SMYD3: variants seen among roughly 807,000 people sequenced by gnomAD.
The protein encoded by SMYD3 is SET and MYND domain containing 3.
Under a neutral mutation model 57.7 loss-of-function variants are expected in SMYD3, and 36 were observed. That is an observed-to-expected ratio of 0.62 (90% CI 0.48 to 0.82). SMYD3 has a LOEUF of 0.82. Ranked by LOEUF, SMYD3 falls within the 40% of genes least tolerant of loss-of-function variation. The pLI, the probability that SMYD3 is intolerant of heterozygous loss-of-function variation, is 0.00. For missense variants in SMYD3, 515 were observed against 538.8 expected (o/e 0.96, Z 0.44); for synonymous variants, 211 against 195.0 (o/e 1.08, Z -0.68).
chr1:245,957,959 T>C (rs1053444602), intron 5 of SMYD3, among the ~76,000 whole-genome samples: 80 of 152,200 alleles, frequency 5.3e-4, no homozygotes, highest in African/African-American at 1.9e-3. Flanking sequence ...GTTAATCTAA[T>C]GTTAGAACTC....
chr1:246,360,612 T>A (rs1480513072), intron 1 of SMYD3, among the ~76,000 whole-genome samples: 1 of 151,722 alleles, frequency 6.6e-6, no homozygotes, highest in East Asian at 1.9e-4. Context: ...ATAGGCACAA[T>A]GAAACAGAAT....
intron 8 of SMYD3, among the ~76,000 whole-genome samples, chr1:245,910,094 A>G (rs561825840): frequency 6.6e-6 from 1 of 152,176 alleles, no homozygotes; most frequent in Non-Finnish European, 1.5e-5. Flanking sequence ...TTAAACTGAT[A>G]AATTCAGTTA....
At chr1:245,876,296 T>C (rs1558447983) in intron 8 of SMYD3, among the ~76,000 whole-genome samples, 2 of 152,202 alleles carry the variant, frequency 1.3e-5, no homozygotes, top group Non-Finnish European at 2.9e-5. Context: ...CCTCAGGAGC[T>C]GTTAAGAATA....
intron 1 of SMYD3, among the ~76,000 whole-genome samples, chr1:246,495,084 T>C (rs1289479007): frequency 1.3e-5 from 2 of 152,274 alleles, no homozygotes; most frequent in African/African-American, 4.8e-5. Context: ...GCGCGGTGGC[T>C]CACGCCTGTA....
chr1:246,344,491 G>A (rs1369435614), intron 2 of SMYD3, among the ~76,000 whole-genome samples: 1 of 152,140 alleles, frequency 6.6e-6, no homozygotes, highest in Non-Finnish European at 1.5e-5. Flanking sequence ...TCATTTACCT[G>A]TGGATGAATA....
intron 5 of SMYD3, among the ~76,000 whole-genome samples, chr1:246,125,312 G>A (rs933918112): frequency 2.3e-4 from 35 of 152,118 alleles, no homozygotes; most frequent in Non-Finnish European, 4.6e-4. Context: ...CTTTCATCAT[G>A]TTAATTTTAT....
chr1:245,979,371 C>G (rs1240058718), intron 5 of SMYD3, among the ~76,000 whole-genome samples: 1 of 152,094 alleles, frequency 6.6e-6, no homozygotes, highest in Non-Finnish European at 1.5e-5. Context: ...AAAATGTGAC[C>G]TTATTTGGAA....
chr1:246,198,332 G>A (rs138929338), intron 5 of SMYD3, among the ~76,000 whole-genome samples: 1 of 152,186 alleles, frequency 6.6e-6, no homozygotes, highest in African/African-American at 2.4e-5. Flanking sequence ...TGGGCAAAGT[G>A]CAGGACTGAT....
intron 5 of SMYD3, among the ~76,000 whole-genome samples, chr1:246,237,874 A>G (rs973413472): frequency 2.0e-4 from 31 of 151,846 alleles, no homozygotes; most frequent in South Asian, 2.1e-4. Context: ...AGAAAAAAAT[A>G]TAATTTAACA....
chr1:246,162,531 A>G (rs1425461531), intron 5 of SMYD3, among the ~76,000 whole-genome samples: 1 of 152,150 alleles, frequency 6.6e-6, no homozygotes. Flanking sequence ...AGAATCTGGA[A>G]TTTTTGTTTG....
chr1:245,805,854 G>A (rs2048121492), intron 10 of SMYD3, among the ~76,000 whole-genome samples: 1 of 152,186 alleles, frequency 6.6e-6, no homozygotes, highest in African/African-American at 2.4e-5. Context: ...CCAGGCTTGG[G>A]CACATTATTT....
intron 5 of SMYD3, among the ~76,000 whole-genome samples, chr1:246,194,831 T>C (rs1012611215): frequency 6.6e-6 from 1 of 152,188 alleles, no homozygotes. Flanking sequence ...GGCACAACAA[T>C]GATCTAAGTC....
At chr1:246,424,040 G>C (rs1369619029) in intron 1 of SMYD3, among the ~76,000 whole-genome samples, 1 of 152,170 alleles carries the variant, frequency 6.6e-6, no homozygotes. Flanking sequence ...CCTAAAGCTA[G>C]AAATTTTTAA....
At chr1:246,071,881 C>G (rs2060454474) in intron 5 of SMYD3, among the ~76,000 whole-genome samples, 1 of 125,854 alleles carries the variant, frequency 7.9e-6, no homozygotes, top group East Asian at 2.0e-4. Flanking sequence ...GCTGTGCTCA[C>G]TGTCGCTGCA....
intron 5 of SMYD3, among the ~76,000 whole-genome samples, chr1:246,286,155 G>A (rs528833257): frequency 4.0e-4 from 61 of 152,236 alleles, no homozygotes; most frequent in African/African-American, 1.3e-3. Flanking sequence ...AGGAAAAGAA[G>A]TCATTATATG....
intron 5 of SMYD3, among the ~76,000 whole-genome samples, chr1:246,006,744 G>A (rs2059177262): frequency 6.6e-6 from 1 of 151,968 alleles, no homozygotes; most frequent in African/African-American, 2.4e-5. Context: ...ACAGGGAGGT[G>A]AGCTGTCTCG....
chr1:246,029,727 C>A (rs2059636649), intron 5 of SMYD3, among the ~76,000 whole-genome samples: 1 of 148,978 alleles, frequency 6.7e-6, no homozygotes, highest in African/African-American at 2.5e-5. Context: ...AAATGGCCAG[C>A]AAATATATGA....
chr1:246,321,966 A>C (rs1465675314), intron 5 of SMYD3: 1 of 152,666 alleles, frequency 6.6e-6, no homozygotes, highest in Non-Finnish European at 1.5e-5. Flanking sequence ...TATGTTGCCC[A>C]GGCTGATCTC....
At chr1:246,375,143 A>C (rs1239384845) in intron 1 of SMYD3, among the ~76,000 whole-genome samples, 6 of 152,158 alleles carry the variant, frequency 3.9e-5, no homozygotes, top group Non-Finnish European at 8.8e-5. Context: ...ACACATAATA[A>C]AACAAGGTTA....
Sources: allele counts gnomAD v4.1 joint callset (sites outside exome capture counted in the v4.1 genomes callset), GRCh38; gene constraint gnomAD v4.1.1; transcripts MANE v1.5; gene names NCBI Gene and HGNC (gene_info 2026-07-23, HGNC 2026-07-21).